Variants in NEU2 observed in about 807,000 individuals in gnomAD.
NEU2 encodes the protein neuraminidase 2, also known as sialidase-2.
A neutral mutation model predicts 6.3 loss-of-function variants in NEU2; 7 were observed. The observed-to-expected ratio is 1.12, with a 90% CI of 0.63 to 2.10. NEU2 has a LOEUF of 2.10. Among genes scored for constraint, NEU2 ranks in the 30% most tolerant of loss-of-function variants. The pLI is 0.00. For synonymous variants in NEU2, 208 were observed against 223.3 expected (o/e 0.93, Z 0.61); for missense variants, 509 against 504.0 (o/e 1.01, Z -0.09).
At chr2:233,033,277 G>T (rs2106359324) in intron 1 of NEU2, among the ~76,000 whole-genome samples, 1 of 152,222 alleles carries the variant, frequency 6.6e-6, no homozygotes, top group East Asian at 1.9e-4. Flanking sequence ...ACCCAAGGCT[G>T]GCTGATCATA....
Position 233,034,108 on chromosome 2 carries a change from C to A in NEU2, c.202-8C>A. 6.2e-7 allele frequency: 1 copy of A among 1,601,322 alleles called. No homozygotes were observed. Among genetic ancestry groups the A allele is most frequent in the South Asian group, 1.1e-5 (1 of 89,298 alleles). Reference sequence around the variant, plus strand: ...AGGCTGCCTTCTTCTTTCTCTCTCCCTACTCAGTGGCAAGCTCAGGAGGTG... The same window carrying A: ...AGGCTGCCTTCTTCTTTCTCTCTCCATACTCAGTGGCAAGCTCAGGAGGTG... On this transcript the variant is annotated splice_polypyrimidine_tract_variant and splice_region_variant and intron_variant, in intron 1 of 1. Coordinates refer to ENST00000233840, the MANE Select transcript of NEU2 (RefSeq NM_005383.2). The surrounding 1 kb of genome is among the most constrained non-coding windows in gnomAD (Gnocchi z 4.8).
intron 1 of NEU2, 77 bp downstream of exon 1, chr2:233,032,949 G>A (rs148080674): frequency 6.9e-7 from 1 of 1,443,432 alleles, no homozygotes; most frequent in Non-Finnish European, 9.4e-7. Context: ...GGCCAGTCCT[G>A]GATCTCAAGA....
Position 233,032,853 on chromosome 2 carries a change from C to T in NEU2, c.182C>T (p.Ala61Val), listed in dbSNP as rs1229382680. Residue 61 changes from alanine to valine, a missense_variant, in exon 1 of 2, where the codon GCA becomes GTA. Ala to Val is a moderately conservative substitution (Grantham distance 64, BLOSUM62 0). Transcript: ENST00000233840. ...GTCCTGCGCAGAGGAGACTACGACG[C>T]ACCCACCCACCAGGTTCAGGTGAGG... ...LIVLRRGDYD[A>V]PTHQVQWQAQ... The T allele has an allele frequency of 1.2e-6, 2 of 1,606,182 alleles. No individual in the cohort carries two copies. Among genetic ancestry groups the T allele is most frequent in the Admixed American group, 1.7e-5 (1 of 58,494 alleles).
rs766519525 is a variant in NEU2, at chr2:233,033,724, C to T, written c.202-392C>T. On this transcript the variant is annotated intron_variant, in intron 1 of 1. Transcript: ENST00000233840. ...GTACTGGTCAGGTTATTGCACCTTC[C>T]GCCAGGGCTTTGCTATTCAAGGATG... is the stretch of plus-strand genomic sequence containing the variant. Among the ~76,000 whole-genome samples the T allele has an allele frequency of 5.7e-4, 86 of 152,122 alleles. 1 individual carries two copies. Among genetic ancestry groups the T allele is most frequent in the Non-Finnish European group, 2.2e-4 (15 of 68,032 alleles).
rs776176921 is a variant in NEU2 at position 233,034,885 on chromosome 2, C to A, written c.971C>A (p.Pro324Gln). 1.2e-6 allele frequency: 2 copies of A among 1,613,968 alleles called. No individual in the cohort carries two copies. Among genetic ancestry groups the A allele is most frequent in the Admixed American group, 1.7e-5 (1 of 60,012 alleles). ...RPPAPEAWSE[P>Q]VLLAKGSCAY... ...CCAGCCCCTGAGGCCTGGTCAGAGC[C>A]GGTACTGCTGGCCAAGGGCAGCTGT... The change falls in exon 2 of 2, where the codon CCG (proline) becomes CAG (glutamine). Residue 324 changes from proline to glutamine, a missense_variant. Coordinates refer to ENST00000233840, the MANE Select transcript of NEU2 (RefSeq NM_005383.2). The surrounding 1 kb of genome is among the most constrained non-coding windows in gnomAD (Gnocchi z 4.8).
At position 233,032,708 on chromosome 2, in the gene NEU2, TTCCAGTCGGG is replaced by T; in HGVS notation, c.38_47del (p.Phe13Ter). 1 of 1,614,188 alleles carries T rather than the reference TTCCAGTCGGG, an allele frequency of 6.2e-7. No individual in the cohort carries two copies. Among genetic ancestry groups the T allele is most frequent in the Non-Finnish European group, 8.5e-7 (1 of 1,180,034 alleles). Reference sequence around the variant, plus strand: ...TCCTGTCCTGCAGAAGGAGAGCGTGTTCCAGTCGGGAGCCCATGCCTACAGAATCCCTGCC... The same window carrying T: ...TCCTGTCCTGCAGAAGGAGAGCGTGTAGCCCATGCCTACAGAATCCCTGCC... On this transcript the variant is annotated frameshift_variant, in exon 1 of 2. Transcript: ENST00000233840. LOFTEE classifies it high-confidence loss of function.
In NEU2 at chr2:233,034,577, G is replaced by A. The variant is rs1690562249; in HGVS notation, c.663G>A (p.Val221=). The A allele has an allele frequency of 1.2e-6, 2 of 1,614,058 alleles. No homozygotes were observed. Among genetic ancestry groups the A allele is most frequent in the East Asian group, 4.5e-5 (2 of 44,886 alleles). ...FVAQDTLECQ[V]AEVETGEQRV... is the part of the protein sequence containing the mutation. ...CCCAGGACACCCTGGAGTGCCAGGTGGCCGAAGTCGAGACTGGGGAGCAGA... is the reference window on the plus strand; with the variant it reads ...CCCAGGACACCCTGGAGTGCCAGGTAGCCGAAGTCGAGACTGGGGAGCAGA... Residue 221 remains valine (V), a synonymous_variant, in exon 2 of 2, where the codon GTG becomes GTA. Coordinates refer to ENST00000233840, the MANE Select transcript of NEU2 (RefSeq NM_005383.2). This position sits in a 1 kb window ranked among gnomAD's most constrained non-coding sequence, Gnocchi z 4.8.
chr2:233,034,276 T>C lies in NEU2; in HGVS notation c.362T>C (p.Val121Ala), dbSNP rs769373759. 6.2e-7 allele frequency: 1 copy of C among 1,614,162 alleles called. No homozygotes were observed. The highest frequency in any genetic ancestry group is 8.5e-7 in the Non-Finnish European group (1 of 1,180,016). The change falls in exon 2 of 2, where the codon GTG becomes GCG. Residue 121 changes from valine (V) to alanine (A), a missense_variant. Coordinates refer to ENST00000233840, the MANE Select transcript of NEU2 (RefSeq NM_005383.2). The surrounding 1 kb of genome is among the most constrained non-coding windows in gnomAD (Gnocchi z 4.8). The part of the protein sequence containing the change: ...EQQQLQTRAN[V>A]TRLCQVTSTD... ...CAGCAGCTGCAGACCAGGGCCAATG[T>C]GACGCGGCTGTGCCAAGTCACCAGC...
At position 233,032,856 on chromosome 2, in the gene NEU2, C is replaced by T; in HGVS notation, c.185C>T (p.Pro62Leu). The change falls in exon 1 of 2, where the codon CCC (proline) becomes CTC (leucine). Residue 62 changes from proline to leucine, a missense_variant. Physicochemically the swap from Pro to Leu is moderately conservative, Grantham distance 98 (BLOSUM62 -3). Coordinates refer to ENST00000233840, the MANE Select transcript of NEU2 (RefSeq NM_005383.2). ...IVLRRGDYDA[P>L]THQVQWQAQE... ...CTGCGCAGAGGAGACTACGACGCAC[C>T]CACCCACCAGGTTCAGGTGAGGCAG... The T allele has an allele frequency of 6.2e-7, 1 of 1,605,296 alleles. No individual in the cohort carries two copies. Among genetic ancestry groups the T allele is most frequent in the Non-Finnish European group, 8.5e-7 (1 of 1,176,064 alleles).
At chr2:233,033,844 G>C (rs1690548617) in intron 1 of NEU2, among the ~76,000 whole-genome samples, 1 of 152,136 alleles carries the variant, frequency 6.6e-6, no homozygotes, top group African/African-American at 2.4e-5. Context: ...CTGGCAGGTG[G>C]GTGTTCTGTA....
Position 233,034,253 on chromosome 2 carries a change from G to A in NEU2, c.339G>A (p.Gln113=), listed in dbSNP as rs747442658. The A allele has an allele frequency of 5.8e-5, 93 of 1,614,050 alleles. 3 individuals carry two copies. The South Asian group carries it at 9.9e-4, about 17-fold the overall frequency. The part of the protein sequence containing the change: ...IAIPGQVTEQ[Q]QLQTRANVTR... ...TCCCTGGGCAAGTCACGGAGCAACA[G>A]CAGCTGCAGACCAGGGCCAATGTGA... is the stretch of plus-strand genomic sequence containing the variant. The change falls in exon 2 of 2, where the codon CAG becomes CAA. Residue 113 remains glutamine (Q), a synonymous_variant. Coordinates refer to ENST00000233840, the MANE Select transcript of NEU2 (RefSeq NM_005383.2). This position sits in a 1 kb window ranked among gnomAD's most constrained non-coding sequence, Gnocchi z 4.8.
intron 1 of NEU2, 71 bp downstream of exon 1, chr2:233,032,943 A>T: frequency 6.8e-7 from 1 of 1,464,776 alleles, no homozygotes; most frequent in Non-Finnish European, 9.3e-7. Context: ...ATCAGGGGCC[A>T]GTCCTGGATC....
rs769168985 is a variant in NEU2, at chr2:233,034,733, G to C, written c.819G>C (p.Gln273His). 3.9e-6 allele frequency: 6 copies of C among 1,541,582 alleles called. No homozygotes were observed. Among genetic ancestry groups the C allele is most frequent in the African/African-American group, 1.4e-5 (1 of 72,688 alleles). ...KLVEPPPQGC[Q>H]GSVISFPSPR... ...TGGAGCCGCCGCCCCAGGGCTGCCA[G>C]GGGAGCGTCATCAGCTTCCCCAGCC... Residue 273 changes from glutamine to histidine, a missense_variant, in exon 2 of 2, where the codon CAG becomes CAC. Physicochemically the swap from Gln to His is conservative, Grantham distance 24. Transcript: ENST00000233840. The surrounding 1 kb of genome is among the most constrained non-coding windows in gnomAD (Gnocchi z 4.8).
chr2:233,034,298 C>T lies in NEU2; in HGVS notation c.384C>T (p.Thr128=). 2 of 1,614,158 alleles carry T rather than the reference C, an allele frequency of 1.2e-6. No homozygotes were observed. The highest frequency in any genetic ancestry group is 2.2e-5 in the East Asian group (1 of 44,880). The change falls in exon 2 of 2, where the codon ACC becomes ACT. Residue 128 remains threonine, a synonymous_variant. Transcript: ENST00000233840. This position sits in a 1 kb window ranked among gnomAD's most constrained non-coding sequence, Gnocchi z 4.8. ...ATGTGACGCGGCTGTGCCAAGTCACCAGCACTGACCACGGGAGGACCTGGA... is the reference window on the plus strand; with the variant it reads ...ATGTGACGCGGCTGTGCCAAGTCACTAGCACTGACCACGGGAGGACCTGGA... The part of the protein sequence containing the change: ...RANVTRLCQV[T]STDHGRTWSS...
In NEU2 at chr2:233,034,947, G is replaced by C. The variant is rs1371055305; in HGVS notation, c.1033G>C (p.Asp345His). The change falls in exon 2 of 2, where the codon GAT becomes CAT. Residue 345 changes from aspartate (D) to histidine (H), a missense_variant. Asp to His is a moderately conservative substitution (Grantham distance 81, BLOSUM62 -1). Transcript: ENST00000233840. This position sits in a 1 kb window ranked among gnomAD's most constrained non-coding sequence, Gnocchi z 4.8. ...CCTCCAGAGCATGGGCACCGGCCCT[G>C]ATGGGTCCCCCTTGTTTGGGTGTCT... ...SDLQSMGTGPDGSPLFGCLYE... is the reference protein window; with the variant it reads ...SDLQSMGTGPHGSPLFGCLYE... 1 of 1,614,202 alleles carries C rather than the reference G, an allele frequency of 6.2e-7. No individual in the cohort carries two copies. The highest frequency in any genetic ancestry group is 2.2e-5 in the East Asian group (1 of 44,894).
In NEU2 at chr2:233,034,592, TG is replaced by T; in HGVS notation, c.682del (p.Glu228SerfsTer5). The T allele has an allele frequency of 6.2e-7, 1 of 1,613,802 alleles. No individual in the cohort carries two copies. Among genetic ancestry groups the T allele is most frequent in the Non-Finnish European group, 8.5e-7 (1 of 1,179,840 alleles). ...LECQVAEVET[G>X]EQRVVTLNAR... ...AGTGCCAGGTGGCCGAAGTCGAGAC[TG>T]GGGAGCAGAGGGTGGTGACCCTCAA... is the stretch of plus-strand genomic sequence containing the variant. On this transcript the variant is annotated frameshift_variant, in exon 2 of 2. Coordinates refer to ENST00000233840, the MANE Select transcript of NEU2 (RefSeq NM_005383.2). LOFTEE classifies it low-confidence loss of function (END_TRUNC). This position sits in a 1 kb window ranked among gnomAD's most constrained non-coding sequence, Gnocchi z 4.8.
Position 233,034,228 on chromosome 2 carries a change from T to A in NEU2, c.314T>A (p.Ile105Asn), listed in dbSNP as rs907632850. The A allele has an allele frequency of 6.2e-7, 1 of 1,614,002 alleles. No individual in the cohort carries two copies. Among genetic ancestry groups the A allele is most frequent in the Non-Finnish European group, 8.5e-7 (1 of 1,180,026 alleles). ...ACCCTCTTCCTCTTCTTCATTGCCATCCCTGGGCAAGTCACGGAGCAACAG... is the reference window on the plus strand; with the variant it reads ...ACCCTCTTCCTCTTCTTCATTGCCAACCCTGGGCAAGTCACGGAGCAACAG... ...TGTLFLFFIA[I>N]PGQVTEQQQL... is the part of the protein sequence containing the mutation. The change falls in exon 2 of 2, where the codon ATC becomes AAC. Residue 105 changes from isoleucine (I) to asparagine (N), a missense_variant. Physicochemically the swap from Ile to Asn is moderately radical, Grantham distance 149. Coordinates refer to ENST00000233840, the MANE Select transcript of NEU2 (RefSeq NM_005383.2). The surrounding 1 kb of genome is among the most constrained non-coding windows in gnomAD (Gnocchi z 4.8).
In NEU2 at chr2:233,032,793, G is replaced by C; in HGVS notation, c.122G>C (p.Arg41Pro). 6.2e-7 allele frequency: 1 copy of C among 1,614,156 alleles called. No homozygotes were observed. Among genetic ancestry groups the C allele is most frequent in the Non-Finnish European group, 8.5e-7 (1 of 1,180,034 alleles). Residue 41 changes from arginine (R) to proline (P), a missense_variant, in exon 1 of 2, where the codon CGG becomes CCG. Physicochemically the swap from Arg to Pro is moderately radical, Grantham distance 103. Transcript: ENST00000233840. Reference protein sequence around the residue: ...QQSLLAFAEQRASKKDEHAEL... With the variant: ...QQSLLAFAEQPASKKDEHAEL... ...TCCCTGCTGGCCTTCGCGGAACAGC[G>C]GGCAAGCAAGAAGGATGAGCACGCA...
At position 233,034,458 on chromosome 2, in the gene NEU2, C is replaced by T. The variant is rs144556397; in HGVS notation, c.544C>T (p.Arg182Trp). The change falls in exon 2 of 2, where the codon CGG (arginine) becomes TGG (tryptophan). Residue 182 changes from arginine to tryptophan, a missense_variant. Physicochemically the swap from Arg to Trp is moderately radical, Grantham distance 101 (BLOSUM62 -3). Transcript: ENST00000233840. This position sits in a 1 kb window ranked among gnomAD's most constrained non-coding sequence, Gnocchi z 4.8. ...RSLVVPAYAY[R>W]KLHPIQRPIP... is the part of the protein sequence containing the mutation. ...CCTGGTGGTGCCCGCCTACGCCTAC[C>T]GGAAACTTCACCCCATCCAAAGGCC... 4.0e-5 allele frequency: 64 copies of T among 1,614,136 alleles called. No homozygotes were observed. Among genetic ancestry groups the T allele is most frequent in the East Asian group, 1.1e-4 (5 of 44,870 alleles).
Sources: gnomAD v4.1 joint callset for allele counts (sites outside exome capture counted in the v4.1 genomes callset) on GRCh38, gnomAD v4.1.1 for gene constraint, Gnocchi (gnomAD v3.1) non-coding constraint, MANE v1.5 for transcripts, NCBI Gene and HGNC (gene_info 2026-07-23, HGNC 2026-07-21) for gene names.